The following EFR3A variants were observed in gnomAD, a reference collection of about 807,000 sequenced individuals.
The protein encoded by EFR3A is protein EFR3 homolog A.
A neutral mutation model predicts 104.4 loss-of-function variants in EFR3A; 76 were observed. The ratio of observed to expected loss-of-function variants is 0.73; its 90% CI spans 0.60 to 0.88. The LOEUF is 0.88. Among genes scored for constraint, EFR3A ranks in the 40% least tolerant of loss-of-function variants. The pLI is 0.00. For synonymous variants in EFR3A, 330 were observed against 330.0 expected (o/e 1.00, Z 0.00); for missense variants, 985 against 1,012.5 (o/e 0.97, Z 0.37).
At chr8:131,927,617 A>G (rs1817366403) in intron 1 of EFR3A, among the ~76,000 whole-genome samples, 1 of 152,176 alleles carries the variant, frequency 6.6e-6, no homozygotes, top group Non-Finnish European at 1.5e-5. Context: ...AGGTGGTCAT[A>G]CATATACTCA....
At chr8:131,931,012 G>A (rs933098978) in intron 1 of EFR3A, among the ~76,000 whole-genome samples, 5 of 152,088 alleles carry the variant, frequency 3.3e-5, no homozygotes, top group Non-Finnish European at 7.4e-5. Context: ...CATTATACAA[G>A]GGGAGTGGTT....
intron 18 of EFR3A, among the ~76,000 whole-genome samples, chr8:131,988,830 C>T (rs1214027606): frequency 6.6e-6 from 1 of 151,986 alleles, no homozygotes; most frequent in Non-Finnish European, 1.5e-5. Flanking sequence ...GAAAATGGGG[C>T]CAGTGGCCTG....
intron 1 of EFR3A, among the ~76,000 whole-genome samples, chr8:131,924,973 A>G (rs999671066): frequency 3.3e-5 from 5 of 152,046 alleles, no homozygotes; most frequent in African/African-American, 7.2e-5. Context: ...ACAGTACCTT[A>G]TATACTACTT....
At chr8:132,001,872 G>T (rs1283591325) in intron 20 of EFR3A, 65 bp downstream of exon 20, 1 of 1,380,186 alleles carries the variant, frequency 7.2e-7, no homozygotes, top group African/African-American at 1.4e-5. Context: ...TGCTTTTTTC[G>T]ATGACAGAAT....
At chr8:131,927,581 A>G (rs1368243337) in intron 1 of EFR3A, among the ~76,000 whole-genome samples, 1 of 152,182 alleles carries the variant, frequency 6.6e-6, no homozygotes, top group Non-Finnish European at 1.5e-5. Context: ...TGGGCAGCAA[A>G]GTCGGTATAG....
chr8:131,976,211 G>A, intron 11 of EFR3A, 70 bp downstream of exon 11: 7 of 1,030,076 alleles, frequency 6.8e-6, no homozygotes, highest in Non-Finnish European at 1.0e-5. Context: ...TCTAGAAAAT[G>A]TTAACGTTTT....
chr8:131,908,061 T>G (rs1474865683), intron 1 of EFR3A, among the ~76,000 whole-genome samples: 2 of 151,858 alleles, frequency 1.3e-5, no homozygotes, highest in Non-Finnish European at 2.9e-5. Flanking sequence ...TTTGAGGTTT[T>G]TTTTTTTTTC....
At chr8:131,969,975 G>A (rs1243162807) in intron 9 of EFR3A, among the ~76,000 whole-genome samples, 1 of 152,140 alleles carries the variant, frequency 6.6e-6, no homozygotes, top group African/African-American at 2.4e-5. Context: ...TACAAAAAGC[G>A]AGAACAAATG....
chr8:132,001,729 C>G (rs1315520867), intron 19 of EFR3A, 30 bp from the exon 20 acceptor site: 1 of 1,599,874 alleles, frequency 6.3e-7, no homozygotes, highest in South Asian at 1.1e-5. Context: ...CCCTTTTTAA[C>G]TCTCGATTTC....
rs751145255 is a variant in EFR3A, at chr8:132,013,390, A to C, written c.*2495A>C. ...GAACTCATTATCTTTTAGAATAATAATACTACTACACTTTACCAGCAATTA... is the reference window on the plus strand; with the variant it reads ...GAACTCATTATCTTTTAGAATAATACTACTACTACACTTTACCAGCAATTA... On this transcript the variant is annotated 3_prime_UTR_variant, in exon 23 of 23. Transcript: ENST00000254624. The C allele has an allele frequency of 1.0e-4, 16 of 152,616 alleles. No individual in the cohort carries two copies. The highest frequency in any genetic ancestry group is 1.6e-4 in the Non-Finnish European group (11 of 68,032). 9.5% of individuals were successfully genotyped at this position (152,616 alleles called of 1,614,324 possible). A position where few individuals can be genotyped will look rare whatever the true frequency, so the allele number is the denominator to read the frequency against.
chr8:131,987,056 T>G (rs1248568133), intron 17 of EFR3A, among the ~76,000 whole-genome samples: 1 of 152,120 alleles, frequency 6.6e-6, no homozygotes, highest in Admixed American at 6.6e-5. Flanking sequence ...AATATTTTGT[T>G]TGAACTTTTG....
chr8:131,954,103 T>A, intron 6 of EFR3A, 136 bp downstream of exon 6: 1 of 885,068 alleles, frequency 1.1e-6, no homozygotes, highest in Non-Finnish European at 1.6e-6. Flanking sequence ...TAAAAATATG[T>A]ACCTTTCTGA....
chr8:131,984,434 T>C, intron 15 of EFR3A, 134 bp downstream of exon 15: 1 of 806,834 alleles, frequency 1.2e-6, no homozygotes, highest in Non-Finnish European at 1.9e-6. Flanking sequence ...TACTCAAGAC[T>C]ATGACTACAT....
intron 22 of EFR3A, among the ~76,000 whole-genome samples, chr8:132,007,401 A>G (rs1822107526): frequency 6.6e-6 from 1 of 151,960 alleles, no homozygotes; most frequent in Non-Finnish European, 1.5e-5. Flanking sequence ...TAGCATTAAA[A>G]AAATTAGCCA....
chr8:131,989,237 T>C (rs796403613), intron 18 of EFR3A, among the ~76,000 whole-genome samples: 1 of 152,198 alleles, frequency 6.6e-6, no homozygotes, highest in Non-Finnish European at 1.5e-5. Context: ...GGATACTGAA[T>C]CTGTAATTAA....
At chr8:131,981,182 T>A (rs555698859) in intron 14 of EFR3A, among the ~76,000 whole-genome samples, 1 of 152,058 alleles carries the variant, frequency 6.6e-6, no homozygotes, top group Non-Finnish European at 1.5e-5. Context: ...TTTTTGACTT[T>A]ATGCAATGAC....
intron 7 of EFR3A, 54 bp downstream of exon 7, chr8:131,955,959 GTTAAC>G: frequency 6.3e-7 from 1 of 1,593,824 alleles, no homozygotes; most frequent in African/African-American, 1.3e-5. Flanking sequence ...TTAATTCTGT[GTTAAC>G]TTATTTATAG....
In EFR3A at chr8:132,013,487, C is replaced by T. The variant is rs1381143408; in HGVS notation, c.*2592C>T. 2.0e-5 allele frequency: 3 copies of T among 152,550 alleles called. No homozygotes were observed. Among genetic ancestry groups the T allele is most frequent in the Admixed American group, 2.0e-4 (3 of 15,272 alleles). 9.4% of individuals were successfully genotyped at this position (152,550 alleles called of 1,614,324 possible). A position where few individuals can be genotyped will look rare whatever the true frequency, so the allele number is the denominator to read the frequency against. On this transcript the variant is annotated 3_prime_UTR_variant, in exon 23 of 23. Coordinates refer to ENST00000254624, the MANE Select transcript of EFR3A (RefSeq NM_015137.6). The stretch of plus-strand genomic sequence containing the variant: ...TAATTTGTCTTATTCGTGCTTATAT[C>T]TGTATTAAATGCAATAAAGTTAGTT...
chr8:131,970,724 G>GTACATTTGTCAAAGATGA (rs1820006834), intron 10 of EFR3A, 81 bp downstream of exon 10: 1 of 1,319,872 alleles, frequency 7.6e-7, no homozygotes, highest in South Asian at 1.5e-5. Flanking sequence ...GACTATTATA[G>GTACATTTGTCAAAGATGA]TACATTTGTC....
Sources: gnomAD v4.1 joint callset for allele counts (sites outside exome capture counted in the v4.1 genomes callset) on GRCh38, gnomAD v4.1.1 for gene constraint, MANE v1.5 for transcripts, NCBI Gene and HGNC (gene_info 2026-07-23, HGNC 2026-07-21) for gene names.